Variants in LAMB4 observed in about 807,000 individuals in gnomAD.
The protein encoded by LAMB4 is laminin subunit beta 4.
LAMB4 carries 196 observed loss-of-function variants against 199.2 expected under a neutral mutation model. The ratio of observed to expected loss-of-function variants is 0.98; its 90% CI spans 0.88 to 1.11. The LOEUF is 1.11. LAMB4 is among the 50% of genes least tolerant of loss of function. The pLI is 0.00. For missense variants in LAMB4, 2,080 were observed against 2,171.2 expected (o/e 0.96, Z 0.83); for synonymous variants, 744 against 770.6 (o/e 0.97, Z 0.57).
In LAMB4 at chr7:108,030,779, C is replaced by T. The variant is rs1280772928; in HGVS notation, c.4992+27G>A. 8 of 1,603,324 alleles carry T rather than the reference C, an allele frequency of 5.0e-6. No homozygotes were observed. The African/African-American group carries it at 6.7e-5, about 13-fold the overall frequency. Reference sequence around the variant, plus strand: ...TTCAAAGAAGCCCTGCTTTTCTGCTCTTGGTGGCAGTGGTAGAACTAATGA... The same window carrying T: ...TTCAAAGAAGCCCTGCTTTTCTGCTTTTGGTGGCAGTGGTAGAACTAATGA... On this transcript the variant is annotated intron_variant, in intron 32 of 33. Coordinates refer to ENST00000388781, the MANE Select transcript of LAMB4 (RefSeq NM_007356.3).
chr7:108,128,111 G>T (rs892014252), intron 1 of LAMB4, among the ~76,000 whole-genome samples: 1 of 152,126 alleles, frequency 6.6e-6, no homozygotes, highest in Non-Finnish European at 1.5e-5. Flanking sequence ...GTAAACAAAG[G>T]TTGCCAGGTG....
At chr7:108,012,300 C>T in the LAMB4 span, among the ~76,000 whole-genome samples, 1 of 152,042 alleles carries the variant, frequency 6.6e-6, no homozygotes, top group Admixed American at 6.5e-5. Flanking sequence ...TAGAAGGAGG[C>T]ATAGCAAATG....
chr7:108,123,080 A>G (rs764575616), intron 2 of LAMB4, 51 bp downstream of exon 2: 3 of 1,501,816 alleles, frequency 2.0e-6, no homozygotes, highest in Non-Finnish European at 2.7e-6. Flanking sequence ...TTTCCATTAA[A>G]TATTTTAGGA....
chr7:108,058,699 A>G (rs2036063959), intron 23 of LAMB4, among the ~76,000 whole-genome samples: 1 of 152,104 alleles, frequency 6.6e-6, no homozygotes, highest in African/African-American at 2.4e-5. Context: ...TCTGTTGCCC[A>G]GGCTGTACGG....
chr7:108,037,066 C>G (rs903509693), intron 30 of LAMB4, among the ~76,000 whole-genome samples: 7 of 151,768 alleles, frequency 4.6e-5, no homozygotes, highest in African/African-American at 1.5e-4. Context: ...AAAACTATAC[C>G]AATATTCCAA....
intron 5 of LAMB4, among the ~76,000 whole-genome samples, chr7:108,108,426 T>G (rs144425756): frequency 6.6e-6 from 1 of 152,244 alleles, no homozygotes; most frequent in Non-Finnish European, 1.5e-5. Context: ...GTTGTGATTC[T>G]CTTTGCCAAG....
chr7:108,102,944 G>T, intron 10 of LAMB4, 100 bp downstream of exon 10: 4 of 990,160 alleles, frequency 4.0e-6, no homozygotes, highest in Non-Finnish European at 5.7e-6. Context: ...AGGGTAGTTT[G>T]GAGATGCCGT....
intron 29 of LAMB4, among the ~76,000 whole-genome samples, chr7:108,040,068 G>T (rs2035368348): frequency 1.3e-5 from 2 of 152,116 alleles, no homozygotes; most frequent in African/African-American, 2.4e-5. Context: ...AAGGTCTCAG[G>T]ATACAAAATC....
intron 30 of LAMB4, among the ~76,000 whole-genome samples, chr7:108,036,658 C>T (rs932948577): frequency 1.2e-4 from 18 of 152,072 alleles, no homozygotes; most frequent in Non-Finnish European, 2.2e-4. Context: ...ATGATACTAC[C>T]ACCTAACTGA....
At chr7:108,018,919 C>T (rs1337014480), downstream of LAMB4, among the ~76,000 whole-genome samples, 3 of 152,158 alleles carry the variant, frequency 2.0e-5, no homozygotes, top group African/African-American at 7.2e-5. Context: ...CCCGTGTTTC[C>T]TGGTAGGACC....
At chr7:108,090,170 A>G (rs1342294523) in intron 14 of LAMB4, among the ~76,000 whole-genome samples, 1 of 152,226 alleles carries the variant, frequency 6.6e-6, no homozygotes, top group Non-Finnish European at 1.5e-5. Flanking sequence ...AATACATGGA[A>G]TATTAATAAT....
intron 33 of LAMB4, among the ~76,000 whole-genome samples, chr7:108,025,393 C>CTT (rs779525723): frequency 1.4e-5 from 1 of 71,998 alleles, no homozygotes; most frequent in Non-Finnish European, 2.9e-5. Flanking sequence ...CTTTTCTTTT[C>CTT]TTTCTTTCTT....
rs145534341 is a variant in LAMB4, at chr7:108,079,625, G to A, written c.1863C>T (p.Thr621=). The A allele has an allele frequency of 3.0e-4, 481 of 1,609,414 alleles. No individual in the cohort carries two copies. In the African/African-American group the frequency reaches 5.6e-3, roughly 19 times the overall value. The change falls in exon 15 of 34, where the codon ACC becomes ACT. Residue 621 remains threonine, a synonymous_variant. Transcript: ENST00000388781. ...CCTGGGTTTCATAGTGAATGGCAAT[G>A]GTGAAGTCCACAGGAAAGGGAATGT... ...VNNIPFPVDF[T]IAIHYETQSA... is the part of the protein sequence containing the mutation.
chr7:108,101,015 G>A (rs993158629), intron 10 of LAMB4, among the ~76,000 whole-genome samples: 1 of 152,152 alleles, frequency 6.6e-6, no homozygotes. Context: ...CTAGGACATT[G>A]AATCTATTCA....
rs912061851 is a variant in LAMB4 at position 108,078,266 on chromosome 7, A to C, written c.1938T>G (p.Ser646Arg). The C allele has an allele frequency of 1.9e-6, 3 of 1,611,250 alleles. No homozygotes were observed. The highest frequency in any genetic ancestry group is 2.5e-6 in the Non-Finnish European group (3 of 1,179,062). Residue 646 changes from serine to arginine, a missense_variant, in exon 16 of 34, where the codon AGT (serine) becomes AGG (arginine). Coordinates refer to ENST00000388781, the MANE Select transcript of LAMB4 (RefSeq NM_007356.3). ...GTAGAGTCTTGGGTATGCAGTGCTCACTCCCTCCAGGGGGGTTCACCACAA... is the reference window on the plus strand; with the variant it reads ...GTAGAGTCTTGGGTATGCAGTGCTCCCTCCCTCCAGGGGGGTTCACCACAA... ...VQIVVNPPGG[S>R]EHCIPKTLQS...
At chr7:108,054,850 A>C (rs1584642910) in intron 25 of LAMB4, among the ~76,000 whole-genome samples, 1 of 152,144 alleles carries the variant, frequency 6.6e-6, no homozygotes, top group African/African-American at 2.4e-5. Context: ...AATCTCAACA[A>C]ATGGTTAAAT....
At chr7:108,029,800 T>C (rs369320154) in intron 32 of LAMB4, among the ~76,000 whole-genome samples, 1 of 152,066 alleles carries the variant, frequency 6.6e-6, no homozygotes, top group South Asian at 2.1e-4. Context: ...AAATGAAATA[T>C]GGAAGTGGGA....
Position 108,023,947 on chromosome 7 carries a change from A to T in LAMB4, c.*92T>A, listed in dbSNP as rs2034746875. 2.8e-6 allele frequency: 3 copies of T among 1,065,524 alleles called. No individual in the cohort carries two copies. The highest frequency in any genetic ancestry group is 3.3e-5 in the African/African-American group (2 of 60,026). 66.0% of individuals were successfully genotyped at this position (1,065,524 alleles called of 1,614,324 possible). A position where few individuals can be genotyped will look rare whatever the true frequency, so the allele number is the denominator to read the frequency against. On this transcript the variant is annotated 3_prime_UTR_variant, in exon 34 of 34. Transcript: ENST00000388781. ...GGTGTGGGGAAGGAAGGTAGAAGAC[A>T]TTGTCAGTATTTCACAGGTTCAACA... is the stretch of plus-strand genomic sequence containing the variant.
rs2036403908 is a variant in LAMB4, at chr7:108,068,066, C to G, written c.2396G>C (p.Cys799Ser). ...ATAGCTTCCAGTTGAGCACCTGTCA[C>G]AGCAGCGCCCGACCACAAGAGGTTT... ...QCKPLVVGRCCDRCSTGSYDL... is the reference protein window; with the variant it reads ...QCKPLVVGRCSDRCSTGSYDL... Residue 799 changes from cysteine to serine, a missense_variant, in exon 19 of 34, where the codon TGT becomes TCT. By Grantham distance (112) the Cys-to-Ser change is moderately radical. Transcript: ENST00000388781. The G allele has an allele frequency of 1.9e-6, 3 of 1,614,072 alleles. No individual in the cohort carries two copies. The highest frequency in any genetic ancestry group is 1.7e-6 in the Non-Finnish European group (2 of 1,180,040).
Sources: gnomAD v4.1 joint callset for allele counts (sites outside exome capture counted in the v4.1 genomes callset) on GRCh38, gnomAD v4.1.1 for gene constraint, MANE v1.5 for transcripts, NCBI Gene and HGNC (gene_info 2026-07-23, HGNC 2026-07-21) for gene names.